MYZAP: variants seen among roughly 807,000 people sequenced by gnomAD.
The protein encoded by MYZAP is GRINL1A complex locus upstream.
MYZAP carries 66 observed loss-of-function variants against 69.4 expected under a neutral mutation model. The observed-to-expected ratio is 0.95, with a 90% CI of 0.78 to 1.17. The LOEUF (loss-of-function observed/expected upper bound fraction) is 1.17, where lower values mean the gene tolerates loss of function less well. MYZAP is among the 50% of genes most tolerant of loss of function. The pLI, the probability that MYZAP is intolerant of heterozygous loss-of-function variation, is 0.00. For synonymous variants in MYZAP, 256 were observed against 205.9 expected, an observed-to-expected ratio of 1.24 and a Z score of -2.09; for missense variants, 611 against 556.2, an observed-to-expected ratio of 1.10 and a Z score of -0.99.
chr15:57,611,595 A>G lies in MYZAP; in HGVS notation c.163-6438A>G, dbSNP rs187002071. Among the ~76,000 whole-genome samples the G allele has an allele frequency of 8.1e-3, 1,231 of 151,178 alleles. 12 individuals carry two copies. The highest frequency in any genetic ancestry group is 0.046 in the South Asian group (218 of 4,776). On this transcript the variant is annotated intron_variant, in intron 2 of 12. Transcript: ENST00000267853. Reference sequence around the variant, plus strand: ...TCAGGCTGCTATCATTACAAATGCCACTCTCTTTGGGACTTCTGCTTGGCT... The same window carrying G: ...TCAGGCTGCTATCATTACAAATGCCGCTCTCTTTGGGACTTCTGCTTGGCT...
rs60801458 is a variant in MYZAP, at chr15:57,639,920, G to GTC, written c.1119+392_1119+393dup. 7.4e-3 allele frequency among the ~76,000 whole-genome samples: 1,115 copies of GTC among 150,094 alleles called. 5 individuals carry two copies. The highest frequency in any genetic ancestry group is 0.023 in the African/African-American group (963 of 41,164). On this transcript the variant is annotated intron_variant, in intron 10 of 12. Coordinates refer to ENST00000267853, the MANE Select transcript of MYZAP (RefSeq NM_001018100.5). ...GCACTGCCTCCACAGCCGTCTGTCTGTCTCTCTCTCTCTCTCTCAGCTACC... is the reference window on the plus strand; with the variant it reads ...GCACTGCCTCCACAGCCGTCTGTCTGTCTCTCTCTCTCTCTCTCTCAGCTACC...
intron 10 of MYZAP, chr15:57,647,252 C>A (rs1163067347): frequency 6.0e-5 from 59 of 985,266 alleles, no homozygotes; most frequent in Non-Finnish European, 6.7e-5. Context: ...TAGTTATTAA[C>A]CATTAATATT....
chr15:57,659,122 T>G (rs1221719527), intron 10 of MYZAP, among the ~76,000 whole-genome samples: 2 of 152,196 alleles, frequency 1.3e-5, no homozygotes, highest in Non-Finnish European at 2.9e-5. Flanking sequence ...ATCTTTATAT[T>G]TCATGTGTTT....
intron 1 of MYZAP, among the ~76,000 whole-genome samples, chr15:57,594,148 C>G (rs1418895517): frequency 6.6e-6 from 1 of 152,206 alleles, no homozygotes; most frequent in East Asian, 1.9e-4. Context: ...TGGAGTCTCA[C>G]TTTGTCATCC....
intron 10 of MYZAP, among the ~76,000 whole-genome samples, chr15:57,659,953 T>C (rs1218979594): frequency 1.3e-5 from 2 of 152,224 alleles, no homozygotes; most frequent in Non-Finnish European, 2.9e-5. Flanking sequence ...TTGCAGTGTT[T>C]CTTTTGCAAA....
chr15:57,680,384 C>G (rs758742531), intron 12 of MYZAP, among the ~76,000 whole-genome samples: 1 of 151,940 alleles, frequency 6.6e-6, no homozygotes, highest in Non-Finnish European at 1.5e-5. Context: ...CCTCCTTCAT[C>G]TAATCTTTGT....
At chr15:57,636,537 C>T (rs527982148) in intron 8 of MYZAP, among the ~76,000 whole-genome samples, 7 of 152,130 alleles carry the variant, frequency 4.6e-5, no homozygotes, top group South Asian at 2.1e-4. Context: ...GTGGAATTTC[C>T]GAACATAAAG....
intron 11 of MYZAP, among the ~76,000 whole-genome samples, chr15:57,673,942 A>C (rs2038996021): frequency 6.6e-6 from 1 of 152,192 alleles, no homozygotes; most frequent in Non-Finnish European, 1.5e-5. Context: ...ATCATTTATA[A>C]ATTTATTTAT....
At chr15:57,621,569 T>C (rs367806616) in intron 3 of MYZAP, 39 bp from the exon 4 acceptor site, 215 of 1,600,330 alleles carry the variant, frequency 1.3e-4, no homozygotes, top group Non-Finnish European at 1.7e-4. Flanking sequence ...ATGAAAATGT[T>C]ATGGCTTGAT....
At chr15:57,678,899 G>A (rs1192797452) in intron 12 of MYZAP, among the ~76,000 whole-genome samples, 1 of 151,912 alleles carries the variant, frequency 6.6e-6, no homozygotes, top group African/African-American at 2.4e-5. Flanking sequence ...TTTAGTTGCC[G>A]GGTGTGGTGT....
At chr15:57,616,836 T>TTTTTTTTTTTTG in intron 2 of MYZAP, among the ~76,000 whole-genome samples, 1 of 140,032 alleles carries the variant, frequency 7.1e-6, no homozygotes. Context: ...TTTTTTTTTT[T>TTTTTTTTTTTTG]TTTTTTTTTT....
intron 11 of MYZAP, among the ~76,000 whole-genome samples, chr15:57,674,442 T>C (rs1179907501): frequency 2.0e-5 from 3 of 152,240 alleles, no homozygotes; most frequent in Non-Finnish European, 2.9e-5. Flanking sequence ...AATTAAGTTA[T>C]AGAGGTATTT....
At chr15:57,647,023 A>G (rs1368404439) in intron 10 of MYZAP, 25 of 985,316 alleles carry the variant, frequency 2.5e-5, no homozygotes, top group Non-Finnish European at 2.5e-5. Context: ...GCATGAGTCT[A>G]CATAAGCTGG....
Position 57,678,942 on chromosome 15 carries a change from C to T in MYZAP, c.1304+3874C>T, listed in dbSNP as rs1307535170. ...CTGTAATCCCAGTACTTTGGGAGGCCGAGGCGGGCGGATCACCTGAGGTTG... is the reference window on the plus strand; with the variant it reads ...CTGTAATCCCAGTACTTTGGGAGGCTGAGGCGGGCGGATCACCTGAGGTTG... On this transcript the variant is annotated intron_variant, in intron 12 of 12. Transcript: ENST00000267853. 5.9e-5 allele frequency among the ~76,000 whole-genome samples: 9 copies of T among 151,874 alleles called. No homozygotes were observed. The South Asian group carries it at 6.2e-4, about 11-fold the overall frequency.
intron 2 of MYZAP, among the ~76,000 whole-genome samples, chr15:57,614,009 G>A (rs1376486979): frequency 1.3e-5 from 2 of 151,868 alleles, no homozygotes; most frequent in African/African-American, 2.4e-5. Context: ...TTTTTTCCCC[G>A]TGTTCAGTTT....
intron 1 of MYZAP, among the ~76,000 whole-genome samples, chr15:57,593,149 TGC>T (rs201432560): frequency 5.4e-3 from 596 of 111,252 alleles, no homozygotes; most frequent in Admixed American, 9.5e-3. Context: ...GGTGTGTGTG[TGC>T]GTGCACTCAC....
At chr15:57,661,580 T>C in intron 11 of MYZAP, 47 bp downstream of exon 11, 5 of 1,507,264 alleles carry the variant, frequency 3.3e-6, no homozygotes, top group Non-Finnish European at 4.5e-6. Context: ...TACCATTAAA[T>C]TTTATGTTGC....
At chr15:57,593,190 A>ATGTGCGCGCGCGCGCGCGCACG (rs376306761) in intron 1 of MYZAP, among the ~76,000 whole-genome samples, 2 of 108,256 alleles carry the variant, frequency 1.8e-5, no homozygotes, top group Non-Finnish European at 3.9e-5. Flanking sequence ...ACACAGGCGC[A>ATGTGCGCGCGCGCGCGCGCACG]CACACACACA....
chr15:57,651,563 A>G (rs1353158354), intron 10 of MYZAP, among the ~76,000 whole-genome samples: 1 of 152,212 alleles, frequency 6.6e-6, no homozygotes, highest in Non-Finnish European at 1.5e-5. Flanking sequence ...ACCTCTGAAC[A>G]GGGTGTGGTG....
Sources: allele counts gnomAD v4.1 joint callset (sites outside exome capture counted in the v4.1 genomes callset), GRCh38; gene constraint gnomAD v4.1.1; transcripts MANE v1.5; gene names NCBI Gene and HGNC (gene_info 2026-07-23, HGNC 2026-07-21).